The following PTPRD variants were observed in gnomAD, a reference collection of about 807,000 sequenced individuals.
PTPRD encodes the protein receptor-type tyrosine-protein phosphatase delta.
PTPRD carries 34 observed loss-of-function variants against 214.5 expected under a neutral mutation model. The ratio of observed to expected loss-of-function variants is 0.16; its 90% CI spans 0.12 to 0.21. PTPRD has a LOEUF of 0.21. PTPRD is among the 10% of genes least tolerant of loss of function. The probability of loss-of-function intolerance (pLI) is 1.00; values close to 1 mark genes in which losing one functional copy is unlikely to be tolerated. For synonymous variants in PTPRD, 1,128 were observed against 845.7 expected (o/e 1.33, Z -5.79); for missense variants, 2,545 against 2,398.7 (o/e 1.06, Z -1.27).
At chr9:10,346,705 G>T (rs957609139) in intron 2 of PTPRD, among the ~76,000 whole-genome samples, 1 of 152,156 alleles carries the variant, frequency 6.6e-6, no homozygotes, top group African/African-American at 2.4e-5. Context: ...CCTGTAAACT[G>T]ATCTGGTAAT....
chr9:9,365,991 T>A (rs1407070016), intron 9 of PTPRD, among the ~76,000 whole-genome samples: 2 of 151,524 alleles, frequency 1.3e-5, no homozygotes, highest in African/African-American at 4.8e-5. Context: ...ACTATAATAT[T>A]ATAAATCTTT....
At chr9:9,084,467 G>A (rs1444452760) in intron 10 of PTPRD, among the ~76,000 whole-genome samples, 2 of 152,110 alleles carry the variant, frequency 1.3e-5, no homozygotes, top group East Asian at 3.9e-4. Context: ...ACAGGTTGAT[G>A]GGTTCAGCAA....
At chr9:8,830,750 C>G (rs1023185523) in intron 11 of PTPRD, among the ~76,000 whole-genome samples, 1 of 151,994 alleles carries the variant, frequency 6.6e-6, no homozygotes, top group African/African-American at 2.4e-5. Flanking sequence ...GTCATTCGCA[C>G]GCAAGGATAT....
intron 8 of PTPRD, among the ~76,000 whole-genome samples, chr9:9,485,517 T>C (rs564428484): frequency 2.0e-5 from 3 of 152,298 alleles, no homozygotes; most frequent in South Asian, 2.1e-4. Context: ...TGTATGTTTA[T>C]ATAATATTCA....
intron 33 of PTPRD, among the ~76,000 whole-genome samples, chr9:8,455,812 T>C (rs146318301): frequency 6.6e-6 from 1 of 152,340 alleles, no homozygotes; most frequent in African/African-American, 2.4e-5. Flanking sequence ...GAATCAGTTG[T>C]AGAAAAATCT....
At chr9:9,616,682 CAGAT>C (rs2094887159) in intron 7 of PTPRD, among the ~76,000 whole-genome samples, 1 of 152,034 alleles carries the variant, frequency 6.6e-6, no homozygotes, top group African/African-American at 2.4e-5. Context: ...CATAAGAAAA[CAGAT>C]AGAAACTGGA....
intron 11 of PTPRD, among the ~76,000 whole-genome samples, chr9:8,777,339 T>A (rs752674148): frequency 3.9e-5 from 6 of 151,944 alleles, no homozygotes; most frequent in Non-Finnish European, 5.9e-5. Flanking sequence ...ATTAATACAT[T>A]TGTCTTTTAT....
At chr9:9,298,476 G>C (rs1953984377) in intron 9 of PTPRD, among the ~76,000 whole-genome samples, 1 of 151,730 alleles carries the variant, frequency 6.6e-6, no homozygotes, top group South Asian at 2.1e-4. Flanking sequence ...AATAGGGTAA[G>C]ATACTGGCTT....
chr9:9,933,142 A>G (rs10978107), intron 5 of PTPRD, among the ~76,000 whole-genome samples: 20,598 of 130,476 alleles, frequency 0.16, 214 homozygotes, highest in Middle Eastern at 0.31. Context: ...TGTAAAGACC[A>G]TCGAGACTAG....
intron 14 of PTPRD, among the ~76,000 whole-genome samples, chr9:8,619,115 G>A (rs1755660056): frequency 6.6e-6 from 1 of 151,570 alleles, no homozygotes; most frequent in African/African-American, 2.4e-5. Context: ...ACAAAATGAT[G>A]TTTTGAACTA....
chr9:8,560,018 A>C (rs1011043386), intron 14 of PTPRD, among the ~76,000 whole-genome samples: 5 of 152,196 alleles, frequency 3.3e-5, no homozygotes, highest in African/African-American at 1.2e-4. Flanking sequence ...TTTCTTAGGA[A>C]AGTCTATATG....
chr9:8,567,822 T>C (rs899295150), intron 14 of PTPRD, among the ~76,000 whole-genome samples: 7 of 152,318 alleles, frequency 4.6e-5, no homozygotes, highest in South Asian at 2.1e-4. Flanking sequence ...CTAGGTTCTA[T>C]ACATTTATTC....
intron 18 of PTPRD, 62 bp downstream of exon 18, chr9:8,524,863 C>A (rs765631349): frequency 4.5e-6 from 6 of 1,335,350 alleles, no homozygotes; most frequent in Admixed American, 1.7e-5. Context: ...ACGGACCCTG[C>A]GGCGTCTCAA....
At chr9:8,928,909 C>T (rs1022079921) in intron 11 of PTPRD, among the ~76,000 whole-genome samples, 1 of 152,096 alleles carries the variant, frequency 6.6e-6, no homozygotes, top group Non-Finnish European at 1.5e-5. Flanking sequence ...TCCTTCGCAT[C>T]CCTCGTAAGT....
At chr9:9,694,461 C>G (rs1041720441) in intron 7 of PTPRD, among the ~76,000 whole-genome samples, 5 of 152,012 alleles carry the variant, frequency 3.3e-5, no homozygotes, top group African/African-American at 1.2e-4. Flanking sequence ...TGTGTTGATG[C>G]AAGCTCCTTT....
chr9:8,920,555 T>G (rs753911576), intron 11 of PTPRD, among the ~76,000 whole-genome samples: 12 of 152,098 alleles, frequency 7.9e-5, no homozygotes, highest in Non-Finnish European at 1.8e-4. Context: ...ACACATAAAA[T>G]ACACTAACAC....
At chr9:9,216,404 A>C (rs959024369) in intron 9 of PTPRD, among the ~76,000 whole-genome samples, 7 of 152,206 alleles carry the variant, frequency 4.6e-5, no homozygotes, top group Non-Finnish European at 5.9e-5. Context: ...CAGAAAAGAA[A>C]TGGGATAAAA....
chr9:10,549,156 G>A (rs1007762270), intron 2 of PTPRD, among the ~76,000 whole-genome samples: 21 of 152,228 alleles, frequency 1.4e-4, no homozygotes, highest in African/African-American at 5.1e-4. Flanking sequence ...TAATTGTTCT[G>A]TGTAGCATAT....
chr9:10,428,158 T>C (rs925168178), intron 2 of PTPRD, among the ~76,000 whole-genome samples: 1 of 151,574 alleles, frequency 6.6e-6, no homozygotes, highest in Non-Finnish European at 1.5e-5. Context: ...CTACTAAAAA[T>C]AAAAAAATAA....
Sources: allele counts gnomAD v4.1 joint callset (sites outside exome capture counted in the v4.1 genomes callset), GRCh38; gene constraint gnomAD v4.1.1; transcripts MANE v1.5; gene names NCBI Gene and HGNC (gene_info 2026-07-23, HGNC 2026-07-21).